The following XPO5 variants were observed in gnomAD, a reference collection of about 807,000 sequenced individuals.
XPO5 encodes exportin 5.
In XPO5, 46 loss-of-function variants were observed where a neutral mutation model predicts 160.6. The ratio of observed to expected loss-of-function variants is 0.29; its 90% CI spans 0.23 to 0.37. The LOEUF (loss-of-function observed/expected upper bound fraction) is 0.37. Among genes scored for constraint, XPO5 ranks in the 10% least tolerant of loss-of-function variants. The pLI is 1.00. For missense variants in XPO5, 1,090 were observed against 1,463.9 expected (o/e 0.74, Z 4.17); for synonymous variants, 537 against 519.3 (o/e 1.03, Z -0.46).
Position 43,528,868 on chromosome 6 carries a change from A to G in XPO5, c.2735T>C (p.Val912Ala), listed in dbSNP as rs780986096. 2 of 1,613,844 alleles carry G rather than the reference A, an allele frequency of 1.2e-6. No individual in the cohort carries two copies. The highest frequency in any genetic ancestry group is 2.7e-5 in the African/African-American group (2 of 74,942). Residue 912 changes from valine to alanine, a missense_variant, in exon 24 of 32, where the codon GTA becomes GCA. This residue lies in a region of XPO5 where 810 missense variants were observed against 1,139.0 expected (regional missense o/e 0.71). Transcript: ENST00000265351. ...FCPPEHYEALVSPILGPLFTY... is the reference protein window; with the variant it reads ...FCPPEHYEALASPILGPLFTY... ...GAAAAGAGGTCCGAGGATGGGGGAT[A>G]CCAGGGCTTCATAGTGCTCTGGGGG...
intron 20 of XPO5, among the ~76,000 whole-genome samples, chr6:43,536,063 G>A: frequency 6.6e-6 from 1 of 151,208 alleles, no homozygotes; most frequent in East Asian, 1.9e-4. Context: ...AGCCAAGATC[G>A]TGCCACTGCA....
chr6:43,535,128 T>G (rs763426123), intron 20 of XPO5, among the ~76,000 whole-genome samples: 1 of 150,562 alleles, frequency 6.6e-6, no homozygotes, highest in African/African-American at 2.5e-5. Context: ...CTGTCTCTAC[T>G]AAAAATACAA....
At chr6:43,569,991 C>T (rs1475791252) in intron 5 of XPO5, among the ~76,000 whole-genome samples, 5 of 141,292 alleles carry the variant, frequency 3.5e-5, no homozygotes, top group South Asian at 2.2e-4. Flanking sequence ...TGCAGTAAGC[C>T]GAGATCCCTA....
At chr6:43,568,342 G>C (rs1384560477) in intron 6 of XPO5, among the ~76,000 whole-genome samples, 1 of 151,858 alleles carries the variant, frequency 6.6e-6, no homozygotes, top group Non-Finnish European at 1.5e-5. Flanking sequence ...AAAAACAAAC[G>C]ACAGATGCAG....
intron 6 of XPO5, 79 bp downstream of exon 6, chr6:43,568,632 G>A: frequency 2.3e-6 from 3 of 1,277,010 alleles, no homozygotes; most frequent in Middle Eastern, 3.9e-4. Context: ...CAAGGCTGAG[G>A]TCACCATCCA....
chr6:43,539,639 C>T (rs940851074), intron 20 of XPO5: 93 of 1,320,422 alleles, frequency 7.0e-5, no homozygotes, highest in Non-Finnish European at 8.5e-5. Flanking sequence ...GAAGCCACCG[C>T]GGTTCCCCAT....
chr6:43,569,756 T>C (rs940165904), intron 5 of XPO5, among the ~76,000 whole-genome samples: 65 of 151,372 alleles, frequency 4.3e-4, no homozygotes, highest in African/African-American at 1.4e-3. Context: ...AAAATTAGTA[T>C]TTTCCTAAAG....
Position 43,527,653 on chromosome 6 carries a change from T to A in XPO5, c.2901A>T (p.Arg967=). The change falls in exon 26 of 32, where the codon CGA becomes CGT. Residue 967 remains arginine, a synonymous_variant. Coordinates refer to ENST00000265351, the MANE Select transcript of XPO5 (RefSeq NM_020750.3). The part of the protein sequence containing the change: ...LEEQLVRMLT[R]EVMDLITVCC... Reference sequence around the variant, plus strand: ...ACTTACTGATTAGGTCCATGACTTCTCGGGTTAACATCCTCACCAGTTGCT... The same window carrying A: ...ACTTACTGATTAGGTCCATGACTTCACGGGTTAACATCCTCACCAGTTGCT... The A allele has an allele frequency of 6.2e-7, 1 of 1,613,988 alleles. No homozygotes were observed.
chr6:43,558,400 G>A, intron 12 of XPO5, 101 bp downstream of exon 12: 1 of 1,025,112 alleles, frequency 9.8e-7, no homozygotes, highest in Non-Finnish European at 1.4e-6. Flanking sequence ...ATCCAGATTT[G>A]GGGATCTTTC....
chr6:43,562,481 AAAAATTTTTT>A, intron 8 of XPO5, 135 bp from the exon 9 acceptor site: 1 of 704,852 alleles, frequency 1.4e-6, no homozygotes. Context: ...TTGCTAAATT[AAAAATTTTTT>A]AAAATCTTTT....
chr6:43,563,010 T>C (rs1447367737), intron 8 of XPO5, among the ~76,000 whole-genome samples: 1 of 152,204 alleles, frequency 6.6e-6, no homozygotes, highest in Non-Finnish European at 1.5e-5. Flanking sequence ...CATTTCTCCT[T>C]GGGACCAAAA....
chr6:43,523,681 T>C lies in XPO5; in HGVS notation c.*187A>G, dbSNP rs2127696000. The C allele has an allele frequency of 1.1e-6, 1 of 921,864 alleles. No homozygotes were observed. The highest frequency in any genetic ancestry group is 1.8e-6 in the Non-Finnish European group (1 of 550,420). The allele number at this position is 921,864 out of a possible 1,614,324, so 57.1% of individuals were successfully genotyped here. A position where few individuals can be genotyped will look rare whatever the true frequency, so the allele number is the denominator to read the frequency against. The stretch of plus-strand genomic sequence containing the variant: ...TAGTTTAAGCCCTAACTCCCTTTCT[T>C]GATACTTTAGTATAATTACTTCTGG... On this transcript the variant is annotated 3_prime_UTR_variant, in exon 32 of 32. Transcript: ENST00000265351.
Position 43,567,326 on chromosome 6 carries a change from G to C in XPO5, c.677C>G (p.Ala226Gly). Residue 226 changes from alanine (A) to glycine (G), a missense_variant, in exon 7 of 32, where the codon GCA becomes GGA. Coordinates refer to ENST00000265351, the MANE Select transcript of XPO5 (RefSeq NM_020750.3). Reference protein sequence around the residue: ...KAQANCRVGVAALNTLAGYID... With the variant: ...KAQANCRVGVGALNTLAGYID... ...ATAGCCTGCTAGAGTATTCAGTGCT[G>C]CAACTCCTACTCGACAGTTTGCTTG... 1 of 1,610,136 alleles carries C rather than the reference G, an allele frequency of 6.2e-7. No homozygotes were observed. The highest frequency in any genetic ancestry group is 8.5e-7 in the Non-Finnish European group (1 of 1,178,602).
At chr6:43,555,465 G>C (rs1245701549) in intron 13 of XPO5, 1 of 162,788 alleles carries the variant, frequency 6.1e-6, no homozygotes, top group Admixed American at 6.0e-5. Flanking sequence ...CTGATTTCAG[G>C]AATAGTGCTA....
At chr6:43,526,050 G>A (rs972095847) in intron 27 of XPO5, 129 bp from the exon 28 acceptor site, 1 of 950,482 alleles carries the variant, frequency 1.1e-6, no homozygotes, top group Non-Finnish European at 1.6e-6. Flanking sequence ...AGTAGTACTA[G>A]GAGCCCTCCC....
intron 12 of XPO5, among the ~76,000 whole-genome samples, chr6:43,558,092 T>C (rs1762202689): frequency 7.0e-6 from 1 of 143,234 alleles, no homozygotes; most frequent in Admixed American, 6.8e-5. Flanking sequence ...TGAAACTCCA[T>C]CTCAAAAAAA....
intron 5 of XPO5, among the ~76,000 whole-genome samples, chr6:43,569,601 C>A (rs1419678854): frequency 6.6e-6 from 1 of 151,818 alleles, no homozygotes; most frequent in Non-Finnish European, 1.5e-5. Flanking sequence ...GGCATGGTGG[C>A]AGGCACCGGT....
At chr6:43,529,943 C>T (rs1793859045) in intron 23 of XPO5, among the ~76,000 whole-genome samples, 1 of 144,914 alleles carries the variant, frequency 6.9e-6, no homozygotes, top group Non-Finnish European at 1.5e-5. Flanking sequence ...TCTAAAAATA[C>T]AGAAAAGGGA....
In XPO5 at chr6:43,547,607, C is replaced by G; in HGVS notation, c.2160+1G>C. The G allele has an allele frequency of 6.2e-7, 1 of 1,613,980 alleles. No individual in the cohort carries two copies. The highest frequency in any genetic ancestry group is 1.1e-5 in the South Asian group (1 of 91,086). On this transcript the variant is annotated splice_donor_variant, in intron 19 of 31. Transcript: ENST00000265351. LOFTEE classifies it high-confidence loss of function. Reference sequence around the variant, plus strand: ...ACTTCCCATTCCCAGGAAAGTCTTACTCGTGCACGGTTTAAGCCACACGGA... The same window carrying G: ...ACTTCCCATTCCCAGGAAAGTCTTAGTCGTGCACGGTTTAAGCCACACGGA...
Sources: allele counts gnomAD v4.1 joint callset (sites outside exome capture counted in the v4.1 genomes callset), GRCh38; gene constraint gnomAD v4.1.1; regional missense constraint gnomAD v4.1.1; transcripts MANE v1.5; gene names NCBI Gene and HGNC (gene_info 2026-07-23, HGNC 2026-07-21).